The following MAMDC2 variants were observed in gnomAD, a reference collection of about 807,000 sequenced individuals.
The protein encoded by MAMDC2 is MAM domain-containing protein 2.
Under a neutral mutation model 89.8 loss-of-function variants are expected in MAMDC2, and 57 were observed. The ratio of observed to expected loss-of-function variants is 0.63; its 90% CI spans 0.51 to 0.79. The LOEUF is 0.79. Ranked by LOEUF, MAMDC2 falls within the 30% of genes least tolerant of loss-of-function variation. The probability of loss-of-function intolerance (pLI) is 0.00; values close to 1 mark genes in which losing one functional copy is unlikely to be tolerated. For synonymous variants in MAMDC2, 313 were observed against 293.4 expected (o/e 1.07, Z -0.68); for missense variants, 800 against 820.6 (o/e 0.97, Z 0.31).
Position 70,226,160 on chromosome 9 carries a change from C to T in MAMDC2, c.*128C>T. On this transcript the variant is annotated 3_prime_UTR_variant, in exon 14 of 14. Coordinates refer to ENST00000377182, the MANE Select transcript of MAMDC2 (RefSeq NM_153267.5). ...TTATAAAATGACTTTAGAGCACCCT[C>T]CTTCATTACTTTTGCAAAAACATAC... 1 of 527,776 alleles carries T rather than the reference C, an allele frequency of 1.9e-6. No individual in the cohort carries two copies. Among genetic ancestry groups the T allele is most frequent in the Non-Finnish European group, 3.3e-6 (1 of 307,318 alleles). 32.7% of individuals were successfully genotyped at this position (527,776 alleles called of 1,614,324 possible). A position where few individuals can be genotyped will look rare whatever the true frequency, so the allele number is the denominator to read the frequency against.
chr9:70,208,488 C>G (rs1266115041), intron 11 of MAMDC2, among the ~76,000 whole-genome samples: 3 of 152,118 alleles, frequency 2.0e-5, no homozygotes, highest in African/African-American at 4.8e-5. Context: ...GATTTTGTAT[C>G]CTGAGACTTT....
intron 11 of MAMDC2, among the ~76,000 whole-genome samples, chr9:70,199,164 G>A (rs1279021310): frequency 2.2e-4 from 30 of 139,516 alleles, no homozygotes; most frequent in African/African-American, 6.9e-4. Context: ...CCACTAACTC[G>A]TCATCTAGCA....
chr9:70,105,345 A>G (rs1166503970), intron 2 of MAMDC2, among the ~76,000 whole-genome samples: 3 of 152,208 alleles, frequency 2.0e-5, no homozygotes, highest in African/African-American at 7.2e-5. Context: ...CTAAGGCTGT[A>G]TCCAGAGCAG....
intron 11 of MAMDC2, among the ~76,000 whole-genome samples, chr9:70,215,132 G>A (rs1425731746): frequency 6.6e-6 from 1 of 152,148 alleles, no homozygotes; most frequent in African/African-American, 2.4e-5. Context: ...AGAGAGAGTG[G>A]AATTGTGAAA....
chr9:70,226,200 T>A lies in MAMDC2; in HGVS notation c.*168T>A, dbSNP rs896141571. ...CAAAAACATACTGACTCAGGGCTCT[T>A]TTTTTCTTTTTGCATATGACAACTG... On this transcript the variant is annotated 3_prime_UTR_variant, in exon 14 of 14. Coordinates refer to ENST00000377182, the MANE Select transcript of MAMDC2 (RefSeq NM_153267.5). 2 of 449,512 alleles carry A rather than the reference T, an allele frequency of 4.4e-6. No individual in the cohort carries two copies. The highest frequency in any genetic ancestry group is 8.0e-6 in the Non-Finnish European group (2 of 249,730). 27.8% of individuals were successfully genotyped at this position (449,512 alleles called of 1,614,324 possible).
At chr9:70,051,456 A>C (rs1826891452) in intron 2 of MAMDC2, among the ~76,000 whole-genome samples, 1 of 152,224 alleles carries the variant, frequency 6.6e-6, no homozygotes, top group Non-Finnish European at 1.5e-5. Flanking sequence ...TTTTGTTGCC[A>C]TCTTCAAATC....
chr9:70,065,015 C>T (rs937892604), intron 2 of MAMDC2, among the ~76,000 whole-genome samples: 5 of 152,182 alleles, frequency 3.3e-5, no homozygotes, highest in Non-Finnish European at 7.3e-5. Context: ...AGGGAAAATA[C>T]TTAATCTTAG....
chr9:70,140,158 T>C lies in MAMDC2; in HGVS notation c.1008T>C (p.Ser336=). The C allele has an allele frequency of 6.3e-7, 1 of 1,587,564 alleles. No homozygotes were observed. Among genetic ancestry groups the C allele is most frequent in the Non-Finnish European group, 8.5e-7 (1 of 1,171,578 alleles). ...HCQNQTELLF[S]AVEASCNFEQ... is the part of the protein sequence containing the mutation. ...TCCTTTGCTCAGAACTTCTGTTCAG[T>C]GCCGTGGAAGCCAGCTGCAATTTTG... The change falls in exon 8 of 14, where the codon AGT becomes AGC. Residue 336 remains serine, a synonymous_variant. Coordinates refer to ENST00000377182, the MANE Select transcript of MAMDC2 (RefSeq NM_153267.5).
At chr9:70,183,005 T>C (rs1281793095) in intron 11 of MAMDC2, among the ~76,000 whole-genome samples, 3 of 152,226 alleles carry the variant, frequency 2.0e-5, no homozygotes, top group Non-Finnish European at 4.4e-5. Flanking sequence ...CATTTCCCTC[T>C]AATGCTGCTT....
In MAMDC2 at chr9:70,219,297, G is replaced by A. The variant is rs117126329; in HGVS notation, c.1911+701G>A. 5.3e-5 allele frequency among the ~76,000 whole-genome samples: 8 copies of A among 152,340 alleles called. No homozygotes were observed. In the East Asian group the frequency reaches 1.5e-3, roughly 29 times the overall value. On this transcript the variant is annotated intron_variant, in intron 12 of 13. Transcript: ENST00000377182. The stretch of plus-strand genomic sequence containing the variant: ...GCCACAGATTTTACCTGCCTACCAT[G>A]AGCCAAAGCTCCAGAAAGCTGTGGG...
At chr9:70,096,780 C>T (rs1378242562) in intron 2 of MAMDC2, among the ~76,000 whole-genome samples, 15 of 151,668 alleles carry the variant, frequency 9.9e-5, no homozygotes, top group African/African-American at 3.4e-4. Context: ...TAGAGAATAC[C>T]ATGGAGAAGA....
In MAMDC2 at chr9:70,109,793, G is replaced by GCTA; in HGVS notation, c.497_499dup (p.Tyr166dup). 1 of 1,613,364 alleles carries GCTA rather than the reference G, an allele frequency of 6.2e-7. No individual in the cohort carries two copies. The highest frequency in any genetic ancestry group is 1.1e-5 in the South Asian group (1 of 91,052). ...CTATTTGAAATCAAGATGACAACCG[G>GCTA]CTACTGTATTGGTAAGTGGGCTTCA... is the stretch of plus-strand genomic sequence containing the variant. On this transcript the variant is annotated inframe_insertion, in exon 4 of 14. Coordinates refer to ENST00000377182, the MANE Select transcript of MAMDC2 (RefSeq NM_153267.5).
chr9:70,089,155 T>C (rs921168073), intron 2 of MAMDC2: 7 of 152,186 alleles, frequency 4.6e-5, no homozygotes, highest in African/African-American at 1.7e-4. Flanking sequence ...AGGCTCTTTC[T>C]GTCAGCTACA....
intron 2 of MAMDC2, among the ~76,000 whole-genome samples, chr9:70,051,057 C>T (rs1294886576): frequency 6.6e-6 from 1 of 152,186 alleles, no homozygotes; most frequent in Non-Finnish European, 1.5e-5. Context: ...GTGCTGGTGC[C>T]TTCTATGATC....
In MAMDC2 at chr9:70,108,526, C is replaced by T. The variant is rs752010050; in HGVS notation, c.420+44C>T. 6 of 1,491,986 alleles carry T rather than the reference C, an allele frequency of 4.0e-6. No homozygotes were observed. The African/African-American group carries it at 5.6e-5, about 14-fold the overall frequency. 92.4% of individuals were successfully genotyped at this position (1,491,986 alleles called of 1,614,324 possible). A position where few individuals can be genotyped will look rare whatever the true frequency, so the allele number is the denominator to read the frequency against. The stretch of plus-strand genomic sequence containing the variant: ...AAAGATATAAGGCCTATTATCTTTG[C>T]TTTATACTATTCTAAAATCTTATGA... On this transcript the variant is annotated intron_variant, in intron 3 of 13. Coordinates refer to ENST00000377182, the MANE Select transcript of MAMDC2 (RefSeq NM_153267.5).
rs145203815 is a variant in MAMDC2, at chr9:70,150,955, C to G, written c.1404+7136C>G. Among the ~76,000 whole-genome samples, 8 of 152,308 alleles carry G rather than the reference C, an allele frequency of 5.3e-5. No homozygotes were observed. In the East Asian group the frequency reaches 1.4e-3, roughly 26 times the overall value. ...ATGGCCTTCAGAATAAAGCTTCATC[C>G]CATACTGTGGTTTTTGAGGTCCTGC... On this transcript the variant is annotated intron_variant, in intron 9 of 13. Transcript: ENST00000377182.
chr9:70,056,389 C>T (rs1438060493), intron 2 of MAMDC2, among the ~76,000 whole-genome samples: 6 of 152,210 alleles, frequency 3.9e-5, no homozygotes, highest in Non-Finnish European at 8.8e-5. Flanking sequence ...AAATTGGCAA[C>T]AGCCATCTGA....
At position 70,126,162 on chromosome 9, in the gene MAMDC2, A is replaced by T. The variant is rs1210995745; in HGVS notation, c.647A>T (p.His216Leu). 1.9e-6 allele frequency: 3 copies of T among 1,601,498 alleles called. No homozygotes were observed. The African/African-American group carries it at 4.2e-5, about 22-fold the overall frequency. The change falls in exon 6 of 14, where the codon CAC (histidine) becomes CTC (leucine). Residue 216 changes from histidine (H) to leucine (L), a missense_variant. His to Leu is a moderately conservative substitution (Grantham distance 99, BLOSUM62 -3). Transcript: ENST00000377182. ...QDHTFKSELG[H>L]YMYVDSVYVK... ...GCTCTGTCTGTGTGATTTTCAGGCC[A>T]CTACATGTACGTGGACTCAGTTTAT...
At chr9:70,053,299 T>C (rs1455039635) in intron 2 of MAMDC2, among the ~76,000 whole-genome samples, 1 of 152,228 alleles carries the variant, frequency 6.6e-6, no homozygotes, top group Non-Finnish European at 1.5e-5. Context: ...AAGAATAAGA[T>C]AATAAAACAA....
Sources: gnomAD v4.1 joint callset for allele counts (sites outside exome capture counted in the v4.1 genomes callset) on GRCh38, gnomAD v4.1.1 for gene constraint, MANE v1.5 for transcripts, NCBI Gene and HGNC (gene_info 2026-07-23, HGNC 2026-07-21) for gene names.